NAALADL2: variants seen among roughly 807,000 people sequenced by gnomAD.
NAALADL2 encodes N-acetylated alpha-linked acidic dipeptidase like 2.
Under a neutral mutation model 87.2 loss-of-function variants are expected in NAALADL2, and 76 were observed. The ratio of observed to expected loss-of-function variants is 0.87; its 90% CI spans 0.72 to 1.05. NAALADL2 has a LOEUF of 1.05. NAALADL2 is among the 50% of genes least tolerant of loss of function. The pLI, the probability that NAALADL2 is intolerant of heterozygous loss-of-function variation, is 0.00. For synonymous variants in NAALADL2, 354 were observed against 331.0 expected (o/e 1.07, Z -0.75); for missense variants, 1,089 against 945.8 (o/e 1.15, Z -1.99).
intron 5 of NAALADL2, among the ~76,000 whole-genome samples, chr3:175,405,903 A>G (rs376823605): frequency 1.6e-3 from 242 of 152,292 alleles, no homozygotes; most frequent in African/African-American, 5.4e-3. Flanking sequence ...TTGATTCTAG[A>G]GATTACTTGC....
intron 5 of NAALADL2, among the ~76,000 whole-genome samples, chr3:175,372,235 A>G (rs568651412): frequency 6.6e-6 from 1 of 152,294 alleles, no homozygotes; most frequent in East Asian, 1.9e-4. Context: ...CTCCATCATT[A>G]CATTTTTCAT....
At chr3:174,711,162 G>T (rs559205406) in intron 2 of NAALADL2, among the ~76,000 whole-genome samples, 29 of 152,260 alleles carry the variant, frequency 1.9e-4, no homozygotes, top group African/African-American at 7.0e-4. Context: ...ACTTCCAGAA[G>T]TAAAGAAATA....
intron 9 of NAALADL2, among the ~76,000 whole-genome samples, chr3:175,500,890 A>C (rs940066970): frequency 2.0e-5 from 3 of 152,166 alleles, no homozygotes; most frequent in African/African-American, 7.2e-5. Flanking sequence ...TTCTCTACAC[A>C]CACAGATAGA....
chr3:174,467,723 G>C (rs977349075), intron 1 of NAALADL2, among the ~76,000 whole-genome samples: 4 of 150,870 alleles, frequency 2.7e-5, no homozygotes, highest in African/African-American at 4.9e-5. Flanking sequence ...ACTGTTTACT[G>C]AACTGAAAAC....
At chr3:175,315,783 T>A (rs1054628935) in intron 4 of NAALADL2, among the ~76,000 whole-genome samples, 1 of 152,196 alleles carries the variant, frequency 6.6e-6, no homozygotes. Context: ...GTTTTCTTTA[T>A]ATTGTGGCTA....
At chr3:174,770,490 G>T (rs2687772) in intron 3 of NAALADL2, among the ~76,000 whole-genome samples, 79,912 of 151,960 alleles carry the variant, frequency 0.53, 21,394 homozygotes, top group Middle Eastern at 0.64. Context: ...AAAAAGCAAT[G>T]CAAAATGCGA....
At chr3:175,662,449 C>G (rs1732390942) in intron 11 of NAALADL2, among the ~76,000 whole-genome samples, 1 of 151,896 alleles carries the variant, frequency 6.6e-6, no homozygotes, top group South Asian at 2.1e-4. Context: ...GATAATTTGA[C>G]TTTTTCCTTT....
chr3:175,271,622 T>C (rs1752853622), intron 4 of NAALADL2, among the ~76,000 whole-genome samples: 1 of 152,144 alleles, frequency 6.6e-6, no homozygotes. Flanking sequence ...TGAAACCCCA[T>C]TTCTACTAAA....
chr3:174,760,733 C>G (rs1386251946), intron 3 of NAALADL2, among the ~76,000 whole-genome samples: 3 of 152,186 alleles, frequency 2.0e-5, no homozygotes, highest in Non-Finnish European at 4.4e-5. Context: ...TTGGCTGTGA[C>G]TCGGAGTTGG....
At chr3:175,233,900 T>TA (rs1560203237) in intron 2 of NAALADL2, 31 bp from the exon 3 acceptor site, 1 of 1,340,786 alleles carries the variant, frequency 7.5e-7, no homozygotes, top group East Asian at 2.4e-5. Flanking sequence ...TTCTCCTTTT[T>TA]AAAAAAGTTT....
intron 3 of NAALADL2, among the ~76,000 whole-genome samples, chr3:174,829,362 G>A (rs1465638406): frequency 1.5e-4 from 23 of 150,002 alleles, no homozygotes; most frequent in African/African-American, 4.7e-4. Context: ...GAGAATATGC[G>A]GTGTTTGTTT....
At chr3:175,219,868 CT>C (rs201278819) in intron 2 of NAALADL2, among the ~76,000 whole-genome samples, 1,768 of 116,352 alleles carry the variant, frequency 0.015, 16 homozygotes, top group Non-Finnish European at 0.019. Flanking sequence ...GGTTTTCTTT[CT>C]TTTTTTTTTT....
intron 2 of NAALADL2, among the ~76,000 whole-genome samples, chr3:175,189,096 G>A (rs992882805): frequency 5.9e-5 from 9 of 152,160 alleles, no homozygotes; most frequent in African/African-American, 1.4e-4. Flanking sequence ...AACATAATAA[G>A]GGCTATTTGT....
At chr3:175,784,335 G>C (rs1351967569) in intron 13 of NAALADL2, among the ~76,000 whole-genome samples, 1 of 151,962 alleles carries the variant, frequency 6.6e-6, no homozygotes, top group Admixed American at 6.6e-5. Flanking sequence ...TCTGGTCCTG[G>C]ACTATTTTTG....
chr3:174,753,842 T>C (rs1477046958), intron 3 of NAALADL2, among the ~76,000 whole-genome samples: 1 of 152,136 alleles, frequency 6.6e-6, no homozygotes, highest in Non-Finnish European at 1.5e-5. Context: ...AGTAATTAGG[T>C]TAAGATGAGG....
chr3:174,502,720 G>A (rs1180168209), intron 1 of NAALADL2, among the ~76,000 whole-genome samples: 8 of 151,858 alleles, frequency 5.3e-5, no homozygotes. Context: ...GTGTTATGTA[G>A]CAAGCTTGAT....
chr3:175,005,614 GAAGAA>G (rs1436737312), intron 1 of NAALADL2, among the ~76,000 whole-genome samples: 2 of 152,120 alleles, frequency 1.3e-5, no homozygotes, highest in African/African-American at 4.8e-5. Context: ...GCATAGAAGA[GAAGAA>G]GAGAAACTCT....
At chr3:174,952,064 T>A (rs1421640439) in intron 1 of NAALADL2, among the ~76,000 whole-genome samples, 1 of 152,126 alleles carries the variant, frequency 6.6e-6, no homozygotes, top group Non-Finnish European at 1.5e-5. Flanking sequence ...AGGCCAAAGA[T>A]CAAACACTTG....
At chr3:174,962,433 G>GTCATAGTGACTATGAAATATATATA (rs1742245895) in intron 1 of NAALADL2, among the ~76,000 whole-genome samples, 1 of 52,242 alleles carries the variant, frequency 1.9e-5, no homozygotes, top group Non-Finnish European at 5.0e-5. Context: ...ATATATATAT[G>GTCATAGTGACTATGAAATATATATA]TATATTTTTA....
Sources: gnomAD v4.1 joint callset for allele counts (sites outside exome capture counted in the v4.1 genomes callset) on GRCh38, gnomAD v4.1.1 for gene constraint, MANE v1.5 for transcripts, NCBI Gene and HGNC (gene_info 2026-07-23, HGNC 2026-07-21) for gene names.